Variants in WDFY4 observed in about 807,000 individuals in gnomAD.
WDFY4 encodes WD repeat- and FYVE domain-containing protein 4.
WDFY4 carries 169 observed loss-of-function variants against 351.9 expected under a neutral mutation model. The ratio of observed to expected loss-of-function variants is 0.48; its 90% CI spans 0.42 to 0.55. WDFY4 has a LOEUF of 0.55. Ranked by LOEUF, WDFY4 falls within the 20% of genes least tolerant of loss-of-function variation. The pLI is 0.00. For missense variants in WDFY4, 3,803 were observed against 3,935.6 expected, an observed-to-expected ratio of 0.97 and a Z score of 0.90; for synonymous variants, 1,622 against 1,574.6, an observed-to-expected ratio of 1.03 and a Z score of -0.71.
chr10:48,881,827 C>G (rs2070261067), intron 43 of WDFY4, among the ~76,000 whole-genome samples: 1 of 152,272 alleles, frequency 6.6e-6, no homozygotes, highest in Admixed American at 6.5e-5. Flanking sequence ...ACTCTTGTCT[C>G]CCAGCCTGGC....
At chr10:48,931,529 A>T (rs957420254) in intron 47 of WDFY4, among the ~76,000 whole-genome samples, 1 of 152,174 alleles carries the variant, frequency 6.6e-6, no homozygotes, top group Non-Finnish European at 1.5e-5. Context: ...TATGGGGAGG[A>T]TATGTCAAGC....
intron 23 of WDFY4, among the ~76,000 whole-genome samples, chr10:48,794,229 G>C (rs1046600292): frequency 6.6e-6 from 1 of 152,056 alleles, no homozygotes; most frequent in African/African-American, 2.4e-5. Context: ...AGAAGATGAG[G>C]CATGGGGATG....
At chr10:48,714,444 T>G (rs2063844911) in intron 2 of WDFY4, among the ~76,000 whole-genome samples, 2 of 152,360 alleles carry the variant, frequency 1.3e-5, no homozygotes, top group South Asian at 4.1e-4. Context: ...GCCAATGACT[T>G]CTGTGGTGTG....
intron 60 of WDFY4, chr10:48,979,600 TGG>T (rs1354376295): frequency 4.6e-5 from 7 of 151,426 alleles, no homozygotes; most frequent in Non-Finnish European, 8.8e-5. Flanking sequence ...GATGGATGGA[TGG>T]ATGGATGGAT....
At chr10:48,720,749 A>C (rs554297665) in intron 3 of WDFY4, among the ~76,000 whole-genome samples, 1 of 152,320 alleles carries the variant, frequency 6.6e-6, no homozygotes, top group East Asian at 1.9e-4. Context: ...GGTCCTGAAA[A>C]GACACAGAGG....
At chr10:48,745,736 CA>C in intron 12 of WDFY4, 1 of 548,248 alleles carries the variant, frequency 1.8e-6, no homozygotes, top group Middle Eastern at 5.2e-4. Context: ...CCCACGTAGG[CA>C]AACTCTCTTG....
chr10:48,884,102 T>C (rs2070362629), intron 43 of WDFY4: 1 of 152,208 alleles, frequency 6.6e-6, no homozygotes, highest in Non-Finnish European at 1.5e-5. Context: ...TGTTCTTTGA[T>C]TACATGAAAA....
intron 44 of WDFY4, among the ~76,000 whole-genome samples, chr10:48,894,233 A>G (rs1345641766): frequency 2.0e-5 from 3 of 152,152 alleles, no homozygotes; most frequent in Non-Finnish European, 4.4e-5. Flanking sequence ...GCTCGTTACC[A>G]TTTTCCAGAG....
chr10:48,692,050 G>T (rs964810590), intron 1 of WDFY4, among the ~76,000 whole-genome samples: 1 of 152,216 alleles, frequency 6.6e-6, no homozygotes, highest in Non-Finnish European at 1.5e-5. Flanking sequence ...GCCCAGGATG[G>T]GGGGTGTGAG....
At chr10:48,862,496 T>A (rs1448860488) in intron 39 of WDFY4, among the ~76,000 whole-genome samples, 1 of 152,150 alleles carries the variant, frequency 6.6e-6, no homozygotes, top group African/African-American at 2.4e-5. Flanking sequence ...CTTATGAGAA[T>A]CTAATGCCTG....
chr10:48,882,287 T>C (rs2070283401), intron 43 of WDFY4, among the ~76,000 whole-genome samples: 1 of 152,150 alleles, frequency 6.6e-6, no homozygotes, highest in Non-Finnish European at 1.5e-5. Flanking sequence ...GAGCAGCCAG[T>C]CATTTGTGCC....
chr10:48,873,572 A>T lies in WDFY4; in HGVS notation c.6823A>T (p.Ser2275Cys). 6.4e-7 allele frequency: 1 copy of T among 1,551,736 alleles called. No individual in the cohort carries two copies. Residue 2275 changes from serine to cysteine, a missense_variant, in exon 41 of 62, where the codon AGC (serine) becomes TGC (cysteine). Ser to Cys is a moderately radical substitution (Grantham distance 112). Coordinates refer to ENST00000325239, the MANE Select transcript of WDFY4 (RefSeq NM_001394531.1). ...EQLFGELGLW[S>C]QGEETKPCSP... is the part of the protein sequence containing the mutation. ...GCTTTTTGGGGAGCTGGGCTTGTGG[A>T]GCCAGGGGGAAGAAACCAAGCCCTG...
intron 20 of WDFY4, among the ~76,000 whole-genome samples, chr10:48,787,893 C>CCTTCTTCTTCTTCTTCTTCTTCTT: frequency 2.1e-5 from 1 of 48,110 alleles, no homozygotes; most frequent in Non-Finnish European, 3.8e-5. Flanking sequence ...TTCTTCTTCT[C>CCTTCTTCTTCTTCTTCTTCTTCTT]CTTCTTCTTC....
intron 40 of WDFY4, among the ~76,000 whole-genome samples, chr10:48,870,938 G>A (rs558310625): frequency 2.7e-4 from 31 of 115,386 alleles, no homozygotes; most frequent in Middle Eastern, 4.8e-3. Context: ...GTGGATATGC[G>A]TTCTTTTTTT....
intron 51 of WDFY4, among the ~76,000 whole-genome samples, chr10:48,951,557 G>A (rs1440560072): frequency 6.6e-6 from 1 of 152,200 alleles, no homozygotes; most frequent in African/African-American, 2.4e-5. Flanking sequence ...TAGGACTATA[G>A]ATGTGCACCA....
intron 1 of WDFY4, among the ~76,000 whole-genome samples, chr10:48,700,028 A>G (rs2063435676): frequency 6.6e-6 from 1 of 152,182 alleles, no homozygotes; most frequent in Admixed American, 6.5e-5. Flanking sequence ...GGTTTTAACA[A>G]TCTGTTCAGG....
At position 48,823,968 on chromosome 10, in the gene WDFY4, A is replaced by C. The variant is rs996291143; in HGVS notation, c.5982+1431A>C. 10 of 985,400 alleles carry C rather than the reference A, an allele frequency of 1.0e-5. No homozygotes were observed. In the African/African-American group the frequency reaches 1.4e-4, roughly 14 times the overall value. The allele number at this position is 985,400 out of a possible 1,614,324, so 61.0% of individuals were successfully genotyped here. The stretch of plus-strand genomic sequence containing the variant: ...ACATTGCGTTACCTGTGAAATTCTA[A>C]GGGAGTAGCCTATAACAAATTCATT... On this transcript the variant is annotated intron_variant, in intron 35 of 61. Transcript: ENST00000325239.
chr10:48,890,850 G>A (rs2070666288), intron 44 of WDFY4, 123 bp downstream of exon 44: 1 of 1,369,498 alleles, frequency 7.3e-7, no homozygotes, highest in Non-Finnish European at 9.9e-7. Flanking sequence ...CTGAAACTGA[G>A]CCATGAGATA....
chr10:48,827,011 T>C lies in WDFY4; in HGVS notation c.6221+102T>C, dbSNP rs765618809. The stretch of plus-strand genomic sequence containing the variant: ...AGGACTGAGTTCTGTATAAATGATA[T>C]CATCCTTTTGTTTATCTGGTCTTCC... On this transcript the variant is annotated intron_variant, in intron 36 of 61. Transcript: ENST00000325239. 5.2e-6 allele frequency: 5 copies of C among 969,102 alleles called. No individual in the cohort carries two copies. In the Admixed American group the frequency reaches 8.0e-5, roughly 16 times the overall value. The allele number at this position is 969,102 out of a possible 1,614,324, so 60.0% of individuals were successfully genotyped here.
Sources: allele counts gnomAD v4.1 joint callset (sites outside exome capture counted in the v4.1 genomes callset), GRCh38; gene constraint gnomAD v4.1.1; transcripts MANE v1.5; gene names NCBI Gene and HGNC (gene_info 2026-07-23, HGNC 2026-07-21).